The following BRAF variants were observed in gnomAD, a reference collection of about 807,000 sequenced individuals.
BRAF encodes the protein serine/threonine-protein kinase B-raf.
BRAF carries 16 observed loss-of-function variants against 104.6 expected under a neutral mutation model. The ratio of observed to expected loss-of-function variants is 0.15; its 90% CI spans 0.10 to 0.23. The LOEUF (loss-of-function observed/expected upper bound fraction) is 0.23. Among genes scored for constraint, BRAF ranks in the 10% least tolerant of loss-of-function variants. BRAF has a pLI of 1.00. For missense variants in BRAF, 541 were observed against 937.3 expected, an observed-to-expected ratio of 0.58 and a Z score of 5.52; for synonymous variants, 310 against 341.6, an observed-to-expected ratio of 0.91 and a Z score of 1.02.
chr7:140,896,354 A>G (rs916386543), intron 1 of BRAF, among the ~76,000 whole-genome samples: 1 of 152,204 alleles, frequency 6.6e-6, no homozygotes, highest in African/African-American at 2.4e-5. Context: ...CAACAGCACA[A>G]AAAGATTCTC....
intron 14 of BRAF, among the ~76,000 whole-genome samples, chr7:140,755,647 T>C (rs1798141393): frequency 6.6e-6 from 1 of 152,172 alleles, no homozygotes; most frequent in African/African-American, 2.4e-5. Flanking sequence ...CTACATCATA[T>C]TGTCACTCTT....
chr7:140,781,389 A>C, intron 12 of BRAF, 187 bp downstream of exon 11: 1 of 625,468 alleles, frequency 1.6e-6, no homozygotes, highest in Non-Finnish European at 2.8e-6. Flanking sequence ...AGGAGTCCCG[A>C]CTGCTGTGAA....
At chr7:140,867,566 G>T (rs768432549) in intron 1 of BRAF, among the ~76,000 whole-genome samples, 3 of 151,790 alleles carry the variant, frequency 2.0e-5, no homozygotes, top group Non-Finnish European at 2.9e-5. Context: ...GTCATAAAAA[G>T]TTATAGAGAA....
intron 7 of BRAF, among the ~76,000 whole-genome samples, chr7:140,794,893 T>C (rs1802350881): frequency 6.6e-6 from 1 of 152,246 alleles, no homozygotes. Flanking sequence ...AAATTATAAA[T>C]ATTTTGAGAA....
intron 14 of BRAF, among the ~76,000 whole-genome samples, chr7:140,760,669 A>G (rs972052416): frequency 2.6e-5 from 4 of 152,136 alleles, no homozygotes; most frequent in Non-Finnish European, 5.9e-5. Context: ...TATAACTAGA[A>G]TAACCAGTGT....
chr7:140,809,183 A>C (rs886985163), intron 3 of BRAF, among the ~76,000 whole-genome samples, 188 bp from the exon 4 acceptor site: 2 of 152,240 alleles, frequency 1.3e-5, no homozygotes, highest in Non-Finnish European at 2.9e-5. Flanking sequence ...TTATTCACCA[A>C]CTTAAATCAA....
chr7:140,882,872 C>T (rs1252360562), intron 1 of BRAF, among the ~76,000 whole-genome samples: 2 of 151,880 alleles, frequency 1.3e-5, no homozygotes, highest in Non-Finnish European at 2.9e-5. Context: ...TGCATGCCTG[C>T]AATCCCAGCT....
intron 1 of BRAF, among the ~76,000 whole-genome samples, chr7:140,912,733 A>G (rs1037901578): frequency 1.3e-5 from 2 of 152,204 alleles, no homozygotes; most frequent in African/African-American, 4.8e-5. Context: ...TTTTTAGTAG[A>G]GACAGGGTTT....
intron 17 of BRAF, 64 bp downstream of exon 16, chr7:140,749,223 T>G (rs1474520912): frequency 1.2e-6 from 2 of 1,601,716 alleles, no homozygotes; most frequent in Admixed American, 3.3e-5. Context: ...TAACACTTAT[T>G]TTCTACAACT....
rs1327123060 is a variant in BRAF, at chr7:140,723,050, A to G, written c.*3444T>C. On this transcript the variant is annotated 3_prime_UTR_variant, in exon 20 of 20. Transcript: ENST00000644969. ...CCTGACTTTTCATATTTTAAAATAA[A>G]TAACTATTCATTACCTCATTCTGAA... The G allele has an allele frequency of 5.7e-6, 6 of 1,051,232 alleles. No individual in the cohort carries two copies. Among genetic ancestry groups the G allele is most frequent in the Admixed American group, 5.5e-5 (1 of 18,256 alleles). The allele number at this position is 1,051,232 out of a possible 1,614,324, so 65.1% of individuals were successfully genotyped here. A position where few individuals can be genotyped will look rare whatever the true frequency, so the allele number is the denominator to read the frequency against.
At chr7:140,818,975 T>G (rs1212240595) in intron 3 of BRAF, among the ~76,000 whole-genome samples, 2 of 152,172 alleles carry the variant, frequency 1.3e-5, no homozygotes, top group Non-Finnish European at 2.9e-5. Context: ...AGCTTACCTA[T>G]CTTCAGTATT....
At chr7:140,809,017 G>C in intron 3 of BRAF, 22 bp from the exon 4 acceptor site, 1 of 1,571,818 alleles carries the variant, frequency 6.4e-7, no homozygotes, top group Non-Finnish European at 8.8e-7. Flanking sequence ...TAAATATATT[G>C]ATAAGAGGTA....
chr7:140,896,511 C>G (rs772468952), intron 1 of BRAF, among the ~76,000 whole-genome samples: 1 of 151,894 alleles, frequency 6.6e-6, no homozygotes, highest in Non-Finnish European at 1.5e-5. Context: ...GGTGGATCAC[C>G]TGAGGTCAAG....
intron 18 of BRAF, 117 bp downstream of exon 17, chr7:140,739,695 G>C: frequency 8.3e-7 from 1 of 1,209,534 alleles, no homozygotes; most frequent in South Asian, 1.3e-5. Context: ...TTCTTGTCTG[G>C]AGTCTGCACA....
In BRAF at chr7:140,724,958, G is replaced by A; in HGVS notation, c.*1536C>T. ...AGGTTATATTTTCCATTTGTGCAAA[G>A]ATAAGATTTAGGTTCTTAATGAATG... is the stretch of plus-strand genomic sequence containing the variant. On this transcript the variant is annotated 3_prime_UTR_variant, in exon 20 of 20. Coordinates refer to ENST00000644969, the MANE Select transcript of BRAF (RefSeq NM_001374258.1). The A allele has an allele frequency of 2.9e-6, 3 of 1,043,152 alleles. No homozygotes were observed. The highest frequency in any genetic ancestry group is 3.5e-6 in the Non-Finnish European group (3 of 865,312). The allele number at this position is 1,043,152 out of a possible 1,614,324, so 64.6% of individuals were successfully genotyped here.
intron 14 of BRAF, among the ~76,000 whole-genome samples, chr7:140,770,527 CAAAAAAAA>C (rs35621209): frequency 4.7e-5 from 3 of 63,584 alleles, no homozygotes; most frequent in Non-Finnish European, 1.1e-4. Flanking sequence ...TAAGGCCTGC[CAAAAAAAA>C]AAAAAAAAAA....
chr7:140,863,976 A>C (rs905176197), intron 1 of BRAF, among the ~76,000 whole-genome samples: 1 of 152,222 alleles, frequency 6.6e-6, no homozygotes, highest in Non-Finnish European at 1.5e-5. Context: ...ATAGACGAGC[A>C]CATTGTGGCA....
At chr7:140,836,214 G>A (rs1205599191) in intron 2 of BRAF, 1 of 152,148 alleles carries the variant, frequency 6.6e-6, no homozygotes, top group African/African-American at 2.4e-5. Flanking sequence ...ATCAATATAT[G>A]TTTGTGAAAT....
chr7:140,749,191 T>C, intron 17 of BRAF, 96 bp downstream of exon 16: 2 of 1,532,134 alleles, frequency 1.3e-6, no homozygotes, highest in Non-Finnish European at 1.8e-6. Context: ...AAGAAATCTA[T>C]CCTTCACGCT....
Sources: gnomAD v4.1 joint callset for allele counts (sites outside exome capture counted in the v4.1 genomes callset) on GRCh38, gnomAD v4.1.1 for gene constraint, MANE v1.5 for transcripts, NCBI Gene and HGNC (gene_info 2026-07-23, HGNC 2026-07-21) for gene names.